The following FOXRED1 variants were observed in gnomAD, a reference collection of about 807,000 sequenced individuals.
The protein encoded by FOXRED1 is FAD-dependent oxidoreductase domain-containing protein 1.
A neutral mutation model predicts 57.8 loss-of-function variants in FOXRED1; 52 were observed. The observed-to-expected ratio is 0.90, with a 90% CI of 0.72 to 1.13. FOXRED1 has a LOEUF of 1.13. Among genes scored for constraint, FOXRED1 ranks in the 50% most tolerant of loss-of-function variants. FOXRED1 has a pLI of 0.00. For missense variants in FOXRED1, 589 were observed against 625.2 expected (o/e 0.94, Z 0.62); for synonymous variants, 271 against 248.3 (o/e 1.09, Z -0.86).
Position 126,277,904 on chromosome 11 carries a change from C to G in FOXRED1, c.*215C>G, listed in dbSNP as rs746289543. Reference sequence around the variant, plus strand: ...TGATGAGCGGGATCCTAGGACTGATCTGTAGCCCATGCTGATGTCACCCAC... The same window carrying G: ...TGATGAGCGGGATCCTAGGACTGATGTGTAGCCCATGCTGATGTCACCCAC... On this transcript the variant is annotated 3_prime_UTR_variant, in exon 11 of 11. Coordinates refer to ENST00000263578, the MANE Select transcript of FOXRED1 (RefSeq NM_017547.4). The surrounding 1 kb of genome is among the most constrained non-coding windows in gnomAD (Gnocchi z 6.8). 5.8e-6 allele frequency: 4 copies of G among 686,204 alleles called. No homozygotes were observed. The highest frequency in any genetic ancestry group is 4.5e-5 in the South Asian group (3 of 66,338). The allele number at this position is 686,204 out of a possible 1,614,324, so 42.5% of individuals were successfully genotyped here. A position where few individuals can be genotyped will look rare whatever the true frequency, so the allele number is the denominator to read the frequency against.
In FOXRED1 at chr11:126,271,870, A is replaced by C. The variant is rs904999590; in HGVS notation, c.306+213A>C. The C allele has an allele frequency of 8.6e-6, 5 of 583,236 alleles. No individual in the cohort carries two copies. The African/African-American group carries it at 9.3e-5, about 11-fold the overall frequency. 36.1% of individuals were successfully genotyped at this position (583,236 alleles called of 1,614,324 possible). A position where few individuals can be genotyped will look rare whatever the true frequency, so the allele number is the denominator to read the frequency against. On this transcript the variant is annotated intron_variant, in intron 2 of 10. Transcript: ENST00000263578. The surrounding 1 kb of genome is among the most constrained non-coding windows in gnomAD (Gnocchi z 5.3). ...TTGGCAATAAGGTTTGTTCTTTTGA[A>C]AGCAGATATCACCATATTGGATTTT...
rs1950895983 is a variant in FOXRED1 at position 126,269,180 on chromosome 11, TTCAGAGGGTCCGGGC to T, written c.-18_-4del. The stretch of plus-strand genomic sequence containing the variant: ...ATAATAGCGAGGCAGCAGTGCAGCT[TTCAGAGGGTCCGGGC>T]TCAGAGGGGTTATGATTCGGAGGGT... On this transcript the variant is annotated 5_prime_UTR_variant, in exon 1 of 11. Coordinates refer to ENST00000263578, the MANE Select transcript of FOXRED1 (RefSeq NM_017547.4). The T allele has an allele frequency of 2.6e-6, 4 of 1,567,014 alleles. No individual in the cohort carries two copies. Among genetic ancestry groups the T allele is most frequent in the Non-Finnish European group, 3.5e-6 (4 of 1,138,184 alleles).
chr11:126,274,854 T>C lies in FOXRED1; in HGVS notation c.537-73T>C. ...GAGCTGGACTCCCCACTTGTGGAGT[T>C]GGGGTCCATACATCATCCCCCTGCA... On this transcript the variant is annotated intron_variant, in intron 4 of 10. Coordinates refer to ENST00000263578, the MANE Select transcript of FOXRED1 (RefSeq NM_017547.4). The surrounding 1 kb of genome is among the most constrained non-coding windows in gnomAD (Gnocchi z 4.8). The C allele has an allele frequency of 5.7e-6, 5 of 875,772 alleles. No individual in the cohort carries two copies. The highest frequency in any genetic ancestry group is 9.9e-6 in the Non-Finnish European group (5 of 505,582). The allele number at this position is 875,772 out of a possible 1,614,324, so 54.3% of individuals were successfully genotyped here. A position where few individuals can be genotyped will look rare whatever the true frequency, so the allele number is the denominator to read the frequency against.
In FOXRED1 at chr11:126,277,309, G is replaced by A; in HGVS notation, c.1207-126G>A. 1.5e-6 allele frequency: 2 copies of A among 1,319,994 alleles called. No homozygotes were observed. The highest frequency in any genetic ancestry group is 2.2e-6 in the Non-Finnish European group (2 of 914,974). The allele number at this position is 1,319,994 out of a possible 1,614,324, so 81.8% of individuals were successfully genotyped here. ...GTCACAACTGCTAAGGAATTTCTTG[G>A]ACACATCCCATCCCATAGACCCCTC... On this transcript the variant is annotated intron_variant, in intron 10 of 10. Transcript: ENST00000263578. The surrounding 1 kb of genome is among the most constrained non-coding windows in gnomAD (Gnocchi z 6.8).
intron 9 of FOXRED1, 87 bp from the exon 10 acceptor site, chr11:126,276,984 C>T: frequency 1.2e-6 from 1 of 846,896 alleles, no homozygotes; most frequent in Admixed American, 1.7e-5. Flanking sequence ...TCTCCCCATC[C>T]CCTACCTGCA....
At position 126,276,136 on chromosome 11, in the gene FOXRED1, G is replaced by A. The variant is rs772028465; in HGVS notation, c.888G>A (p.Ala296=). ...TCAACGCAGCCGGAGCCTGGTCTGCGCAAATCGCAGCACTGGCTGGTGTTG... is the reference window on the plus strand; with the variant it reads ...TCAACGCAGCCGGAGCCTGGTCTGCACAAATCGCAGCACTGGCTGGTGTTG... ...IVINAAGAWS[A]QIAALAGVGE... is the part of the protein sequence containing the mutation. Residue 296 remains alanine (A), a synonymous_variant, in exon 8 of 11, where the codon GCG becomes GCA. Coordinates refer to ENST00000263578, the MANE Select transcript of FOXRED1 (RefSeq NM_017547.4). The A allele has an allele frequency of 3.7e-6, 6 of 1,612,066 alleles. No individual in the cohort carries two copies. The highest frequency in any genetic ancestry group is 2.2e-5 in the East Asian group (1 of 44,768).
chr11:126,274,586 T>TG lies in FOXRED1; in HGVS notation c.537-340dup. On this transcript the variant is annotated intron_variant, in intron 4 of 10. Transcript: ENST00000263578. This position sits in a 1 kb window ranked among gnomAD's most constrained non-coding sequence, Gnocchi z 4.8. ...TCGCTTGAACCCGGGAGGAGGAGGT[T>TG]GCAGTGAGCCAAGATCGCGCCACTG... is the stretch of plus-strand genomic sequence containing the variant. The TG allele has an allele frequency of 9.1e-6, 3 of 330,104 alleles. No individual in the cohort carries two copies. The East Asian group carries it at 2.2e-4, about 25-fold the overall frequency. The allele number at this position is 330,104 out of a possible 1,614,324, so 20.4% of individuals were successfully genotyped here. A position where few individuals can be genotyped will look rare whatever the true frequency, so the allele number is the denominator to read the frequency against.
At position 126,272,903 on chromosome 11, in the gene FOXRED1, A is replaced by G; in HGVS notation, c.307-66A>G. ...TTTAGGTGTATAGCTCGAAGCTTTC[A>G]TTGCAGTATTCTAGTCACATGTGAT... On this transcript the variant is annotated intron_variant, in intron 2 of 10. Coordinates refer to ENST00000263578, the MANE Select transcript of FOXRED1 (RefSeq NM_017547.4). This position sits in a 1 kb window ranked among gnomAD's most constrained non-coding sequence, Gnocchi z 4.6. 1 of 841,238 alleles carries G rather than the reference A, an allele frequency of 1.2e-6. No individual in the cohort carries two copies. The highest frequency in any genetic ancestry group is 2.1e-6 in the Non-Finnish European group (1 of 473,926). The allele number at this position is 841,238 out of a possible 1,614,324, so 52.1% of individuals were successfully genotyped here. A position where few individuals can be genotyped will look rare whatever the true frequency, so the allele number is the denominator to read the frequency against.
chr11:126,275,954 C>G lies in FOXRED1; in HGVS notation c.810+84C>G. 1.3e-6 allele frequency: 2 copies of G among 1,573,416 alleles called. No homozygotes were observed. The highest frequency in any genetic ancestry group is 8.7e-7 in the Non-Finnish European group (1 of 1,143,668). On this transcript the variant is annotated intron_variant, in intron 7 of 10. Coordinates refer to ENST00000263578, the MANE Select transcript of FOXRED1 (RefSeq NM_017547.4). The surrounding 1 kb of genome is among the most constrained non-coding windows in gnomAD (Gnocchi z 5.9). ...TCTCCTTGTTTTGGTTTTCTTTGAC[C>G]CACTTTCCAGTATGGGTAAACTAAG...
Position 126,274,167 on chromosome 11 carries a change from C to T in FOXRED1, c.536+713C>T, listed in dbSNP as rs1390733093. The T allele has an allele frequency of 4.4e-5, 7 of 157,718 alleles. No homozygotes were observed. The highest frequency in any genetic ancestry group is 1.9e-4 in the East Asian group (1 of 5,334). 9.8% of individuals were successfully genotyped at this position (157,718 alleles called of 1,614,324 possible). On this transcript the variant is annotated intron_variant, in intron 4 of 10. Transcript: ENST00000263578. The surrounding 1 kb of genome is among the most constrained non-coding windows in gnomAD (Gnocchi z 4.8). Reference sequence around the variant, plus strand: ...GGCATAAGGCGCTAGTAAGTGGTGGCGGTAGGATCTTATTTGAAGCCAGCA... The same window carrying T: ...GGCATAAGGCGCTAGTAAGTGGTGGTGGTAGGATCTTATTTGAAGCCAGCA...
Position 126,271,577 on chromosome 11 carries a change from T to C in FOXRED1, c.226T>C (p.Leu76=). 1 of 1,614,220 alleles carries C rather than the reference T, an allele frequency of 6.2e-7. No homozygotes were observed. Among genetic ancestry groups the C allele is most frequent in the Non-Finnish European group, 8.5e-7 (1 of 1,180,042 alleles). The change falls in exon 2 of 11, where the codon TTG becomes CTG. Residue 76 remains leucine (L), a synonymous_variant. Coordinates refer to ENST00000263578, the MANE Select transcript of FOXRED1 (RefSeq NM_017547.4). The surrounding 1 kb of genome is among the most constrained non-coding windows in gnomAD (Gnocchi z 5.3). ...GATCGTGGGAGGTGGGGTGCTTGGC[T>C]TGTCTGTGGCCTATTGGCTGAAGAA... is the stretch of plus-strand genomic sequence containing the variant. The part of the protein sequence containing the change: ...VVIVGGGVLG[L]SVAYWLKKLE...
chr11:126,273,527 A>T lies in FOXRED1; in HGVS notation c.536+73A>T, dbSNP rs774019820. 1 of 999,560 alleles carries T rather than the reference A, an allele frequency of 1.0e-6. No homozygotes were observed. The highest frequency in any genetic ancestry group is 1.6e-6 in the Non-Finnish European group (1 of 622,156). The allele number at this position is 999,560 out of a possible 1,614,324, so 61.9% of individuals were successfully genotyped here. ...GGGTGACTCCTGCACCAGGTTAGGA[A>T]GCGAGAAAGTGGAGTTGATAAGACA... On this transcript the variant is annotated intron_variant, in intron 4 of 10. Coordinates refer to ENST00000263578, the MANE Select transcript of FOXRED1 (RefSeq NM_017547.4). This position sits in a 1 kb window ranked among gnomAD's most constrained non-coding sequence, Gnocchi z 5.9.
Position 126,276,512 on chromosome 11 carries a change from A to G in FOXRED1, c.1090A>G (p.Ser364Gly), listed in dbSNP as rs1951153049. 6.2e-7 allele frequency: 1 copy of G among 1,606,376 alleles called. No individual in the cohort carries two copies. Among genetic ancestry groups the G allele is most frequent in the Non-Finnish European group, 8.5e-7 (1 of 1,175,980 alleles). Residue 364 changes from serine to glycine, a missense_variant, in exon 9 of 11, where the codon AGC becomes GGC. Ser to Gly is a moderately conservative substitution (Grantham distance 56). Coordinates refer to ENST00000263578, the MANE Select transcript of FOXRED1 (RefSeq NM_017547.4). ...AGGTAGCAACTACCTAGGTGGTCGT[A>G]GCCCCACTGAGGTAAGCTGAGTGGG... The part of the protein sequence containing the change: ...GLGSNYLGGR[S>G]PTEQEEPDPA...
In FOXRED1 at chr11:126,275,273, T is replaced by G; in HGVS notation, c.632-54T>G. 2 of 1,323,236 alleles carry G rather than the reference T, an allele frequency of 1.5e-6. No homozygotes were observed. Among genetic ancestry groups the G allele is most frequent in the Non-Finnish European group, 1.1e-6 (1 of 915,000 alleles). The allele number at this position is 1,323,236 out of a possible 1,614,324, so 82.0% of individuals were successfully genotyped here. A position where few individuals can be genotyped will look rare whatever the true frequency, so the allele number is the denominator to read the frequency against. ...GGGTTGGGGGGCACAGGAAATACAA[T>G]CCAAGAGCAGAAGTCCTCATCCCTC... On this transcript the variant is annotated intron_variant, in intron 5 of 10. Transcript: ENST00000263578. The surrounding 1 kb of genome is among the most constrained non-coding windows in gnomAD (Gnocchi z 5.9).
In FOXRED1 at chr11:126,272,946, C is replaced by T. The variant is rs995326316; in HGVS notation, c.307-23C>T. The T allele has an allele frequency of 2.5e-6, 3 of 1,196,670 alleles. No individual in the cohort carries two copies. The African/African-American group carries it at 4.5e-5, about 18-fold the overall frequency. 74.1% of individuals were successfully genotyped at this position (1,196,670 alleles called of 1,614,324 possible). ...CATGTGATAGGGTACTGGTCTACCT[C>T]AACTTTTCTTGTCTTTCCACAGTAT... On this transcript the variant is annotated intron_variant, in intron 2 of 10. Coordinates refer to ENST00000263578, the MANE Select transcript of FOXRED1 (RefSeq NM_017547.4). This position sits in a 1 kb window ranked among gnomAD's most constrained non-coding sequence, Gnocchi z 4.6.
rs1950903329 is a variant in FOXRED1, at chr11:126,269,286, C to T, written c.80C>T (p.Ser27Phe). 2 of 1,614,080 alleles carry T rather than the reference C, an allele frequency of 1.2e-6. No homozygotes were observed. The highest frequency in any genetic ancestry group is 1.7e-6 in the Non-Finnish European group (2 of 1,180,018). Residue 27 changes from serine to phenylalanine, a missense_variant, in exon 1 of 11, where the codon TCT becomes TTT. Physicochemically the swap from Ser to Phe is radical, Grantham distance 155. Coordinates refer to ENST00000263578, the MANE Select transcript of FOXRED1 (RefSeq NM_017547.4). ...RRPGTRRGGF[S>F]LDWDGKVSEI... Reference sequence around the variant, plus strand: ...CCAGGCACGCGCAGAGGAGGCTTTTCTCTGGGTAAAGTTGAGGACGACAGA... The same window carrying T: ...CCAGGCACGCGCAGAGGAGGCTTTTTTCTGGGTAAAGTTGAGGACGACAGA...
In FOXRED1 at chr11:126,273,894, A is replaced by G. The variant is rs889559590; in HGVS notation, c.536+440A>G. ...AAAGCAGCCATAGACAAAAGTGCAA[A>G]TGAAGGAGTGTGGCTCATTTATGAA... is the stretch of plus-strand genomic sequence containing the variant. On this transcript the variant is annotated intron_variant, in intron 4 of 10. Transcript: ENST00000263578. This position sits in a 1 kb window ranked among gnomAD's most constrained non-coding sequence, Gnocchi z 5.9. The G allele has an allele frequency of 9.3e-6, 2 of 215,188 alleles. No homozygotes were observed. The highest frequency in any genetic ancestry group is 4.6e-5 in the African/African-American group (2 of 43,690). 13.3% of individuals were successfully genotyped at this position (215,188 alleles called of 1,614,324 possible).
Position 126,273,935 on chromosome 11 carries a change from G to A in FOXRED1, c.536+481G>A, listed in dbSNP as rs893758189. Reference sequence around the variant, plus strand: ...CATTTATGAAAACAGGCAGCAGGTCGGATTTGGCAACCCCTGCTCTAAGTG... The same window carrying A: ...CATTTATGAAAACAGGCAGCAGGTCAGATTTGGCAACCCCTGCTCTAAGTG... On this transcript the variant is annotated intron_variant, in intron 4 of 10. Transcript: ENST00000263578. This position sits in a 1 kb window ranked among gnomAD's most constrained non-coding sequence, Gnocchi z 5.9. The A allele has an allele frequency of 9.6e-5, 20 of 208,256 alleles. No homozygotes were observed. In the South Asian group the frequency reaches 1.3e-3, roughly 13 times the overall value. 12.9% of individuals were successfully genotyped at this position (208,256 alleles called of 1,614,324 possible).
At chr11:126,269,842 C>T (rs920597866) in intron 1 of FOXRED1, among the ~76,000 whole-genome samples, 1 of 151,842 alleles carries the variant, frequency 6.6e-6, no homozygotes, top group Non-Finnish European at 1.5e-5. Flanking sequence ...CAAAAATTAG[C>T]TAGGTGTGGT....
Sources: gnomAD v4.1 joint callset for allele counts (sites outside exome capture counted in the v4.1 genomes callset) on GRCh38, gnomAD v4.1.1 for gene constraint, Gnocchi (gnomAD v3.1) non-coding constraint, MANE v1.5 for transcripts, NCBI Gene and HGNC (gene_info 2026-07-23, HGNC 2026-07-21) for gene names.